The following BICD1 variants were observed in gnomAD, a reference collection of about 807,000 sequenced individuals.
The protein encoded by BICD1 is BICD cargo adaptor 1.
Under a neutral mutation model 92.5 loss-of-function variants are expected in BICD1, and 35 were observed. The observed-to-expected ratio is 0.38, with a 90% CI of 0.29 to 0.50. The LOEUF is 0.50. BICD1 is among the 20% of genes least tolerant of loss of function. BICD1 has a pLI of 0.93. For synonymous variants in BICD1, 429 were observed against 465.1 expected (o/e 0.92, Z 1.00); for missense variants, 950 against 1,189.8 (o/e 0.80, Z 2.97).
At chr12:32,348,724 ATATATATATATAT>A (rs1938734585) in intron 8 of BICD1, among the ~76,000 whole-genome samples, 9 of 5,386 alleles carry the variant, frequency 1.7e-3, no homozygotes, top group Admixed American at 2.7e-3. Context: ...TCACACAAAA[ATATATATATATAT>A]ATATATATAT....
chr12:32,290,548 C>G (rs1947698108), intron 2 of BICD1, among the ~76,000 whole-genome samples: 3 of 152,218 alleles, frequency 2.0e-5, no homozygotes, highest in African/African-American at 7.2e-5. Context: ...TTGGACCAGG[C>G]TTCAAGCTTG....
intron 1 of BICD1, among the ~76,000 whole-genome samples, chr12:32,135,464 A>G (rs1260869): frequency 0.8 from 110,596 of 138,732 alleles, 44,243 homozygotes; most frequent in Middle Eastern, 0.88. Flanking sequence ...GCAGTGAGAC[A>G]AACACAGCTC....
At position 32,182,018 on chromosome 12, in the gene BICD1, A is replaced by G. The variant is rs530192194; in HGVS notation, c.214-34229A>G. Among the ~76,000 whole-genome samples the G allele has an allele frequency of 4.6e-5, 7 of 152,108 alleles. No homozygotes were observed. The South Asian group carries it at 1.2e-3, about 27-fold the overall frequency. On this transcript the variant is annotated intron_variant, in intron 1 of 9. Coordinates refer to ENST00000652176, the MANE Select transcript of BICD1 (RefSeq NM_001714.4). ...AAGACTAACATTGCAGCTGCTTTTA[A>G]TTAGCTGCTAGAAATGAAAAACTGT... is the stretch of plus-strand genomic sequence containing the variant.
In BICD1 at chr12:32,166,589, A is replaced by G. The variant is rs964332304; in HGVS notation, c.214-49658A>G. Reference sequence around the variant, plus strand: ...AATGTCGGTAGTGCCCAGGCTGAGAAAGCTTGAGTTAAAGTAAACCTGATA... The same window carrying G: ...AATGTCGGTAGTGCCCAGGCTGAGAGAGCTTGAGTTAAAGTAAACCTGATA... On this transcript the variant is annotated intron_variant, in intron 1 of 9. Coordinates refer to ENST00000652176, the MANE Select transcript of BICD1 (RefSeq NM_001714.4). Among the ~76,000 whole-genome samples the G allele has an allele frequency of 2.6e-5, 4 of 152,176 alleles. No individual in the cohort carries two copies. In the South Asian group the frequency reaches 6.2e-4, roughly 24 times the overall value.
intron 1 of BICD1, among the ~76,000 whole-genome samples, chr12:32,163,657 A>T (rs1943665908): frequency 6.6e-6 from 1 of 152,242 alleles, no homozygotes; most frequent in Admixed American, 6.5e-5. Context: ...ATATAAAAAT[A>T]TAAAAATTGC....
chr12:32,373,708 T>TA (rs34938708), intron 9 of BICD1, among the ~76,000 whole-genome samples: 61,313 of 144,470 alleles, frequency 0.42, 12,748 homozygotes, highest in Middle Eastern at 0.46. Context: ...CCGTCTCTAC[T>TA]AAAAAAAAAA....
At chr12:32,375,180 C>T (rs895016015) in intron 9 of BICD1, among the ~76,000 whole-genome samples, 3 of 151,826 alleles carry the variant, frequency 2.0e-5, no homozygotes, top group Non-Finnish European at 2.9e-5. Context: ...CCGCCTTGGC[C>T]TCCTGAAGTG....
chr12:32,166,283 C>G (rs1297901264), intron 1 of BICD1, among the ~76,000 whole-genome samples: 68 of 151,770 alleles, frequency 4.5e-4, no homozygotes, highest in African/African-American at 1.6e-3. Flanking sequence ...TTACAGGCGT[C>G]TGCCACCATG....
chr12:32,144,897 C>A (rs1231814165), intron 1 of BICD1, among the ~76,000 whole-genome samples: 1 of 152,166 alleles, frequency 6.6e-6, no homozygotes, highest in Non-Finnish European at 1.5e-5. Flanking sequence ...TATTCAAATA[C>A]AAAGCCATTC....
intron 1 of BICD1, among the ~76,000 whole-genome samples, chr12:32,112,425 C>T (rs186441893): frequency 3.3e-5 from 5 of 152,276 alleles, no homozygotes; most frequent in Middle Eastern, 3.4e-3. Flanking sequence ...TGTATGACAG[C>T]GATGGTTTGA....
intron 8 of BICD1, among the ~76,000 whole-genome samples, chr12:32,358,638 G>A (rs1242813991): frequency 6.6e-6 from 1 of 152,002 alleles, no homozygotes; most frequent in Non-Finnish European, 1.5e-5. Flanking sequence ...TTAGGAGGCT[G>A]AGGCAGGAGA....
chr12:32,164,095 T>G lies in BICD1; in HGVS notation c.214-52152T>G, dbSNP rs1943680866. ...GTGTTTCCTTTCTTCCCTTCTTCTC[T>G]TAGTGAAACGAACTTAGAAGTGGCA... is the stretch of plus-strand genomic sequence containing the variant. On this transcript the variant is annotated intron_variant, in intron 1 of 9. Transcript: ENST00000652176. Among the ~76,000 whole-genome samples the G allele has an allele frequency of 2.0e-5, 3 of 152,160 alleles. No homozygotes were observed. In the South Asian group the frequency reaches 6.2e-4, roughly 32 times the overall value.
chr12:32,181,116 C>T (rs1247127381), intron 1 of BICD1, among the ~76,000 whole-genome samples: 1 of 151,688 alleles, frequency 6.6e-6, no homozygotes, highest in Non-Finnish European at 1.5e-5. Context: ...TAAAGAGGTG[C>T]TTATAAAAAA....
At chr12:32,209,307 T>C (rs1162651259) in intron 1 of BICD1, among the ~76,000 whole-genome samples, 1 of 152,214 alleles carries the variant, frequency 6.6e-6, no homozygotes, top group Non-Finnish European at 1.5e-5. Context: ...CCAAAAATAT[T>C]TGAAGTAGAA....
chr12:32,205,457 C>T (rs896053271), intron 1 of BICD1, among the ~76,000 whole-genome samples: 3 of 151,864 alleles, frequency 2.0e-5, no homozygotes, highest in South Asian at 4.1e-4. Flanking sequence ...TGGGGGCCAG[C>T]GCTGGTTTGC....
At chr12:32,196,976 G>C (rs1188017479) in intron 1 of BICD1, among the ~76,000 whole-genome samples, 1 of 151,640 alleles carries the variant, frequency 6.6e-6, no homozygotes, top group Admixed American at 6.6e-5. Context: ...CTTGGGAAAA[G>C]CTATCAGTCA....
At chr12:32,285,691 A>C (rs977918559) in intron 2 of BICD1, among the ~76,000 whole-genome samples, 1 of 152,170 alleles carries the variant, frequency 6.6e-6, no homozygotes, top group Non-Finnish European at 1.5e-5. Context: ...CTCTCCCCTG[A>C]GGAGCTGAGA....
intron 8 of BICD1, 53 bp downstream of exon 8, chr12:32,339,032 T>A: frequency 5.3e-6 from 8 of 1,504,206 alleles, no homozygotes; most frequent in Non-Finnish European, 7.0e-6. Flanking sequence ...TTGAATAGAC[T>A]CTCCCCTTCC....
At chr12:32,362,179 G>T (rs1404172952) in intron 8 of BICD1, among the ~76,000 whole-genome samples, 1 of 152,200 alleles carries the variant, frequency 6.6e-6, no homozygotes, top group Non-Finnish European at 1.5e-5. Context: ...GGCCAACATG[G>T]CGATACCCCA....
Sources: allele counts gnomAD v4.1 joint callset (sites outside exome capture counted in the v4.1 genomes callset), GRCh38; gene constraint gnomAD v4.1.1; transcripts MANE v1.5; gene names NCBI Gene and HGNC (gene_info 2026-07-23, HGNC 2026-07-21).